The following TBL1XR1 variants were observed in gnomAD, a reference collection of about 807,000 sequenced individuals.
The protein encoded by TBL1XR1 is TBL1X/Y related 1.
Under a neutral mutation model 66.9 loss-of-function variants are expected in TBL1XR1, and 5 were observed. That is an observed-to-expected ratio of 0.07 (90% confidence interval 0.04 to 0.16). The LOEUF is 0.16. TBL1XR1 is among the 10% of genes least tolerant of loss of function. The pLI is 1.00. For synonymous variants in TBL1XR1, 210 were observed against 206.0 expected, an observed-to-expected ratio of 1.02 and a Z score of -0.17; for missense variants, 238 against 623.2, an observed-to-expected ratio of 0.38 and a Z score of 6.58.
chr3:177,083,267 T>C (rs954818835), intron 2 of TBL1XR1, among the ~76,000 whole-genome samples: 6 of 152,144 alleles, frequency 3.9e-5, no homozygotes, highest in African/African-American at 1.4e-4. Flanking sequence ...TTAATCATAC[T>C]TGAATCTGAG....
intron 1 of TBL1XR1, among the ~76,000 whole-genome samples, chr3:177,124,808 A>AAT (rs1419748221): frequency 1.3e-5 from 2 of 152,184 alleles, no homozygotes; most frequent in Non-Finnish European, 2.9e-5. Context: ...AGTCTAGATA[A>AAT]AAATTCATAA....
intron 1 of TBL1XR1, among the ~76,000 whole-genome samples, chr3:177,186,277 G>T (rs143615405): frequency 6.6e-6 from 1 of 152,054 alleles, no homozygotes; most frequent in Non-Finnish European, 1.5e-5. Flanking sequence ...ATTTTACTAG[G>T]GGAAAAATCT....
intron 2 of TBL1XR1, among the ~76,000 whole-genome samples, chr3:177,070,245 T>C (rs538201214): frequency 1.3e-5 from 2 of 152,332 alleles, no homozygotes; most frequent in South Asian, 2.1e-4. Flanking sequence ...AGCTGCCTCA[T>C]TGCCCACAGA....
intron 1 of TBL1XR1, chr3:177,171,465 G>A (rs1254914310): frequency 6.6e-6 from 1 of 152,188 alleles, no homozygotes; most frequent in Non-Finnish European, 1.5e-5. Flanking sequence ...GGAGGCCGAG[G>A]CAGGTGGATC....
chr3:177,177,349 C>A (rs1734281507), intron 1 of TBL1XR1, among the ~76,000 whole-genome samples: 1 of 151,148 alleles, frequency 6.6e-6, no homozygotes. Flanking sequence ...ACTCAGGAGG[C>A]TGAAGAAGGA....
intron 2 of TBL1XR1, among the ~76,000 whole-genome samples, chr3:177,082,037 C>T (rs2108607907): frequency 6.6e-6 from 1 of 152,262 alleles, no homozygotes; most frequent in South Asian, 2.1e-4. Context: ...AAGGCATGAA[C>T]ACACACTTGC....
chr3:177,193,114 C>T (rs1213345652), intron 1 of TBL1XR1, among the ~76,000 whole-genome samples: 2 of 151,820 alleles, frequency 1.3e-5, no homozygotes, highest in South Asian at 4.2e-4. Context: ...GATCGCGCCA[C>T]TGCACTCCAG....
intron 2 of TBL1XR1, among the ~76,000 whole-genome samples, chr3:177,068,019 A>G (rs2108550667): frequency 6.6e-6 from 1 of 152,334 alleles, no homozygotes; most frequent in Non-Finnish European, 1.5e-5. Context: ...CTAGGTCACA[A>G]AACAGCACTG....
chr3:177,066,941 A>AACTTTATATAACCTGAATGTTTATTACAT (rs1719241968), intron 2 of TBL1XR1, among the ~76,000 whole-genome samples: 1 of 152,222 alleles, frequency 6.6e-6, no homozygotes, highest in Non-Finnish European at 1.5e-5. Context: ...GAGTACAATT[A>AACTTTATATAACCTGAATGTTTATTACAT]ACTTTATATA....
At chr3:177,141,963 A>G (rs1380678332) in intron 1 of TBL1XR1, among the ~76,000 whole-genome samples, 12 of 152,232 alleles carry the variant, frequency 7.9e-5, no homozygotes, top group African/African-American at 1.2e-4. Flanking sequence ...GACAAACACT[A>G]CATGATTCCA....
rs376418228 is a variant in TBL1XR1 at position 177,135,307 on chromosome 3, CTGTGTGTG to C, written c.-121-36774_-121-36767del. On this transcript the variant is annotated intron_variant, in intron 1 of 15. Coordinates refer to ENST00000457928, the MANE Select transcript of TBL1XR1 (RefSeq NM_024665.7). ...GTGAGCCACCGCACAAGGCCGCACTCTGTGTGTGTGTGTGTGTGTGTGTGTGTATACAT... is the reference window on the plus strand; with the variant it reads ...GTGAGCCACCGCACAAGGCCGCACTCTGTGTGTGTGTGTGTGTGTATACAT... Among the ~76,000 whole-genome samples the C allele has an allele frequency of 1.4e-4, 10 of 72,598 alleles. 1 individual carries two copies. The East Asian group carries it at 1.5e-3, about 11-fold the overall frequency. The allele number at this position is 72,598 out of a possible 152,430, so 47.6% of individuals were successfully genotyped here.
chr3:177,023,788 T>G lies in TBL1XR1; in HGVS notation c.*1710A>C, dbSNP rs1712702399. 1 of 152,446 alleles carries G rather than the reference T, an allele frequency of 6.6e-6. No individual in the cohort carries two copies. The highest frequency in any genetic ancestry group is 6.6e-5 in the Admixed American group (1 of 15,260). 9.4% of individuals were successfully genotyped at this position (152,446 alleles called of 1,614,324 possible). ...TTCTACTTAGAACACAGGTTAAAAT[T>G]TTAGTACTAAAAGGCCTCAAAATAA... On this transcript the variant is annotated 3_prime_UTR_variant, in exon 16 of 16. Transcript: ENST00000457928.
chr3:177,135,307 C>CTGTCTCTGTGTGTGTGTGTGTG, intron 1 of TBL1XR1, among the ~76,000 whole-genome samples: 1 of 72,596 alleles, frequency 1.4e-5, no homozygotes, highest in Non-Finnish European at 2.7e-5. Context: ...AGGCCGCACT[C>CTGTCTCTGTGTGTGTGTGTGTG]TGTGTGTGTG....
At chr3:177,031,600 G>C (rs1478042103) in intron 14 of TBL1XR1, among the ~76,000 whole-genome samples, 3 of 148,682 alleles carry the variant, frequency 2.0e-5, no homozygotes, top group African/African-American at 7.3e-5. Context: ...CAAAGTGCTG[G>C]GATTACAGGC....
At chr3:177,086,111 T>G (rs1722082754) in intron 2 of TBL1XR1, among the ~76,000 whole-genome samples, 1 of 150,568 alleles carries the variant, frequency 6.6e-6, no homozygotes, top group African/African-American at 2.4e-5. Context: ...ATATTAGCAC[T>G]AGCCAAGTCC....
chr3:177,149,429 G>A (rs1730626924), intron 1 of TBL1XR1, among the ~76,000 whole-genome samples: 1 of 152,144 alleles, frequency 6.6e-6, no homozygotes, highest in African/African-American at 2.4e-5. Context: ...TGCTTATAAT[G>A]AAGAATATAT....
chr3:177,049,118 A>T (rs1435439488), intron 7 of TBL1XR1, among the ~76,000 whole-genome samples: 1 of 152,234 alleles, frequency 6.6e-6, no homozygotes, highest in Non-Finnish European at 1.5e-5. Flanking sequence ...GATTTCTGAA[A>T]AAACATTTCA....
At chr3:177,119,324 A>G (rs1055603957) in intron 1 of TBL1XR1, among the ~76,000 whole-genome samples, 2 of 152,180 alleles carry the variant, frequency 1.3e-5, no homozygotes, top group Admixed American at 1.3e-4. Context: ...CGGGTGAAGA[A>G]TATTTACACC....
intron 3 of TBL1XR1, among the ~76,000 whole-genome samples, chr3:177,055,462 G>A (rs1350807465): frequency 1.4e-5 from 2 of 145,824 alleles, no homozygotes; most frequent in African/African-American, 2.5e-5. Flanking sequence ...CCCTGATTTT[G>A]CCCATAAGCA....
Sources: allele counts gnomAD v4.1 joint callset (sites outside exome capture counted in the v4.1 genomes callset), GRCh38; gene constraint gnomAD v4.1.1; transcripts MANE v1.5; gene names NCBI Gene and HGNC (gene_info 2026-07-23, HGNC 2026-07-21).